Variants in SH3RF1 observed in about 807,000 individuals in gnomAD.
The protein encoded by SH3RF1 is E3 ubiquitin-protein ligase SH3RF1.
In SH3RF1, 32 loss-of-function variants were observed where a neutral mutation model predicts 74.0. The observed-to-expected ratio is 0.43, with a 90% CI of 0.33 to 0.58. The LOEUF is 0.58. Ranked by LOEUF, SH3RF1 falls within the 20% of genes least tolerant of loss-of-function variation. The probability of loss-of-function intolerance (pLI) is 0.05; values close to 1 mark genes in which losing one functional copy is unlikely to be tolerated. For synonymous variants in SH3RF1, 396 were observed against 439.6 expected, an observed-to-expected ratio of 0.90 and a Z score of 1.24; for missense variants, 954 against 1,130.9, an observed-to-expected ratio of 0.84 and a Z score of 2.24.
chr4:169,180,963 C>T (rs186310799), intron 2 of SH3RF1, among the ~76,000 whole-genome samples: 32 of 152,258 alleles, frequency 2.1e-4, no homozygotes, highest in Non-Finnish European at 2.9e-4. Context: ...TGCCAGCAAC[C>T]CTTTCTTTTC....
chr4:169,227,251 G>C (rs748897560), intron 2 of SH3RF1, among the ~76,000 whole-genome samples: 2 of 151,616 alleles, frequency 1.3e-5, no homozygotes, highest in African/African-American at 2.4e-5. Context: ...AAAATCATTA[G>C]ACTATAACAT....
intron 2 of SH3RF1, among the ~76,000 whole-genome samples, chr4:169,233,675 T>C (rs921010946): frequency 6.6e-6 from 1 of 152,266 alleles, no homozygotes; most frequent in Non-Finnish European, 1.5e-5. Flanking sequence ...TTGACTGCAA[T>C]AATTCATTGA....
At chr4:169,208,997 T>C (rs532449448) in intron 2 of SH3RF1, among the ~76,000 whole-genome samples, 2 of 151,604 alleles carry the variant, frequency 1.3e-5, no homozygotes, top group African/African-American at 2.4e-5. Flanking sequence ...AAATAAAAAA[T>C]GAGGCAGTAG....
Position 169,269,219 on chromosome 4 carries a change from C to G in SH3RF1, c.-7G>C. On this transcript the variant is annotated 5_prime_UTR_variant, in exon 2 of 12. An upstream open reading frame in the 5' UTR loses its in-frame stop. Coordinates refer to ENST00000284637, the MANE Select transcript of SH3RF1 (RefSeq NM_020870.4). ...ACAAGGCTGATTCATCCATCTTTATCTACTTTACTGAGAAAAAATCTTCAG... is the reference window on the plus strand; with the variant it reads ...ACAAGGCTGATTCATCCATCTTTATGTACTTTACTGAGAAAAAATCTTCAG... The G allele has an allele frequency of 6.4e-7, 1 of 1,557,752 alleles. No individual in the cohort carries two copies. The highest frequency in any genetic ancestry group is 8.6e-7 in the Non-Finnish European group (1 of 1,158,332).
At chr4:169,258,225 AG>A (rs1413596495) in intron 2 of SH3RF1, among the ~76,000 whole-genome samples, 1 of 152,212 alleles carries the variant, frequency 6.6e-6, no homozygotes, top group Non-Finnish European at 1.5e-5. Flanking sequence ...TCCACCATAT[AG>A]GTGATTCTCA....
intron 2 of SH3RF1, among the ~76,000 whole-genome samples, chr4:169,171,422 G>A (rs1222441627): frequency 6.6e-6 from 1 of 152,166 alleles, no homozygotes; most frequent in African/African-American, 2.4e-5. Context: ...TAATGAGGGG[G>A]AAACAGACCG....
At chr4:169,184,638 A>C (rs1734574975) in intron 2 of SH3RF1, among the ~76,000 whole-genome samples, 3 of 152,236 alleles carry the variant, frequency 2.0e-5, no homozygotes, top group Non-Finnish European at 2.9e-5. Flanking sequence ...AGGAGATGCC[A>C]ATCACAGGAT....
At chr4:169,191,007 C>T (rs182223277) in intron 2 of SH3RF1, among the ~76,000 whole-genome samples, 11 of 152,144 alleles carry the variant, frequency 7.2e-5, no homozygotes, top group African/African-American at 1.4e-4. Flanking sequence ...AAAAAGCATT[C>T]GACAAAATCC....
intron 2 of SH3RF1, among the ~76,000 whole-genome samples, chr4:169,196,070 CT>C (rs1734805626): frequency 1.3e-5 from 2 of 152,136 alleles, no homozygotes; most frequent in South Asian, 4.1e-4. Context: ...CACCTTTGGC[CT>C]CCCAAAGTGT....
rs557498411 is a variant in SH3RF1, at chr4:169,095,559, T to C, written c.*960A>G. On this transcript the variant is annotated 3_prime_UTR_variant, in exon 12 of 12. Coordinates refer to ENST00000284637, the MANE Select transcript of SH3RF1 (RefSeq NM_020870.4). ...CTTTGACTTAACACGAGTGCATCAC[T>C]TACCACCACTATCTCACAAATGTTT... 2.0e-5 allele frequency: 3 copies of C among 152,730 alleles called. No homozygotes were observed. In the East Asian group the frequency reaches 5.8e-4, roughly 29 times the overall value. The allele number at this position is 152,730 out of a possible 1,614,324, so 9.5% of individuals were successfully genotyped here.
At chr4:169,136,670 G>A (rs763626986) in intron 4 of SH3RF1, 50 bp from the exon 5 acceptor site, 8 of 1,454,842 alleles carry the variant, frequency 5.5e-6, no homozygotes, top group East Asian at 2.5e-5. Context: ...CAATTCCTAA[G>A]AATTCCCTGA....
chr4:169,157,526 T>C (rs1000604793), intron 2 of SH3RF1, among the ~76,000 whole-genome samples: 5 of 152,210 alleles, frequency 3.3e-5, no homozygotes, highest in African/African-American at 1.2e-4. Context: ...TATGATACTT[T>C]TCAACGGCAT....
At chr4:169,180,790 AAAC>A (rs1229001304) in intron 2 of SH3RF1, among the ~76,000 whole-genome samples, 2 of 152,192 alleles carry the variant, frequency 1.3e-5, no homozygotes, top group Non-Finnish European at 2.9e-5. Context: ...ACTTCAATAT[AAAC>A]AACAAAAAAA....
chr4:169,204,650 G>C (rs1200588340), intron 2 of SH3RF1, among the ~76,000 whole-genome samples: 1 of 147,562 alleles, frequency 6.8e-6, no homozygotes, highest in Non-Finnish European at 1.5e-5. Context: ...TCCTGGGTTT[G>C]AGTGATTCAC....
In SH3RF1 at chr4:169,155,581, G is replaced by C. The variant is rs1734035607; in HGVS notation, c.670-6C>G. The C allele has an allele frequency of 2.5e-6, 4 of 1,602,400 alleles. No individual in the cohort carries two copies. Among genetic ancestry groups the C allele is most frequent in the Non-Finnish European group, 3.4e-6 (4 of 1,169,520 alleles). On this transcript the variant is annotated splice_polypyrimidine_tract_variant and splice_region_variant and intron_variant, in intron 3 of 11. Transcript: ENST00000284637. ...ATCACAGTCAGAACATCATCCTGAA[G>C]AAACAGCAAATCATTAATCTACCTG... is the stretch of plus-strand genomic sequence containing the variant.
chr4:169,238,902 ACTAT>A (rs1561061741), intron 2 of SH3RF1, among the ~76,000 whole-genome samples: 1 of 152,134 alleles, frequency 6.6e-6, no homozygotes, highest in Admixed American at 6.5e-5. Flanking sequence ...GACTTTGAAG[ACTAT>A]CTATATAAGT....
At chr4:169,159,288 T>C (rs1734114393) in intron 2 of SH3RF1, among the ~76,000 whole-genome samples, 1 of 152,218 alleles carries the variant, frequency 6.6e-6, no homozygotes, top group Admixed American at 6.5e-5. Flanking sequence ...TCCACTATAT[T>C]ATGTATTTCT....
chr4:169,257,966 A>C (rs182603000), intron 2 of SH3RF1, among the ~76,000 whole-genome samples: 10 of 152,358 alleles, frequency 6.6e-5, no homozygotes, highest in Non-Finnish European at 1.3e-4. Flanking sequence ...GTCAATGGGC[A>C]AATGTGAGAG....
intron 2 of SH3RF1, among the ~76,000 whole-genome samples, chr4:169,221,841 A>G (rs752177232): frequency 1.3e-5 from 2 of 152,202 alleles, no homozygotes; most frequent in Non-Finnish European, 2.9e-5. Flanking sequence ...CTATGTAAAG[A>G]TCCAAAATCG....
Sources: allele counts gnomAD v4.1 joint callset (sites outside exome capture counted in the v4.1 genomes callset), GRCh38; gene constraint gnomAD v4.1.1; transcripts MANE v1.5; gene names NCBI Gene and HGNC (gene_info 2026-07-23, HGNC 2026-07-21).